The following ADGRL1 variants were observed in gnomAD, a reference collection of about 807,000 sequenced individuals.
ADGRL1 encodes the protein CIRL-1.
ADGRL1 carries 31 observed loss-of-function variants against 148.9 expected under a neutral mutation model. The observed-to-expected ratio is 0.21, with a 90% CI of 0.16 to 0.28. The LOEUF (loss-of-function observed/expected upper bound fraction) is 0.28, where lower values mean the gene tolerates loss of function less well. Ranked by LOEUF, ADGRL1 falls within the 10% of genes least tolerant of loss-of-function variation. ADGRL1 has a pLI of 1.00. For missense variants in ADGRL1, 1,521 were observed against 2,058.8 expected (o/e 0.74, Z 5.05); for synonymous variants, 937 against 900.3 (o/e 1.04, Z -0.73).
chr19:14,172,133 G>T (rs554209792), intron 3 of ADGRL1, among the ~76,000 whole-genome samples: 12 of 152,268 alleles, frequency 7.9e-5, no homozygotes, highest in South Asian at 4.2e-4. Flanking sequence ...TTTAAAAATA[G>T]AACACTGGCT....
At chr19:14,190,968 ATC>A (rs1342251815) in intron 1 of ADGRL1, 1 of 401,434 alleles carries the variant, frequency 2.5e-6, no homozygotes, top group Non-Finnish European at 5.1e-6. Context: ...GGGACCTGTA[ATC>A]TCAGCTACTC....
rs530490978 is a variant in ADGRL1 at position 14,167,332 on chromosome 19, G to T, written c.394+3350C>A. On this transcript the variant is annotated intron_variant, in intron 4 of 22. Coordinates refer to ENST00000361434, the MANE Select transcript of ADGRL1 (RefSeq NM_014921.5). ...ACACAGAAAGACACAGGGGTGGTAG[G>T]GGGGTACAGGCAGGCAGACAGAGCC... Among the ~76,000 whole-genome samples the T allele has an allele frequency of 2.6e-5, 4 of 152,072 alleles. No homozygotes were observed. In the South Asian group the frequency reaches 6.2e-4, roughly 24 times the overall value.
intron 1 of ADGRL1, among the ~76,000 whole-genome samples, chr19:14,186,145 AC>A (rs1971558653): frequency 6.6e-6 from 1 of 151,802 alleles, no homozygotes; most frequent in South Asian, 2.1e-4. Context: ...TGCAGCCTCC[AC>A]CTCCCAGGCT....
intron 1 of ADGRL1, among the ~76,000 whole-genome samples, chr19:14,197,165 G>A (rs1251252362): frequency 6.6e-6 from 1 of 151,978 alleles, no homozygotes; most frequent in African/African-American, 2.4e-5. Flanking sequence ...CTGGCTACTC[G>A]GGAGGCTGAG....
intron 4 of ADGRL1, among the ~76,000 whole-genome samples, chr19:14,167,829 C>T (rs1395827430): frequency 6.6e-6 from 1 of 152,104 alleles, no homozygotes; most frequent in Non-Finnish European, 1.5e-5. Context: ...CGCTCCCAGG[C>T]TCCCCAGGGG....
chr19:14,162,786 C>A lies in ADGRL1; in HGVS notation c.1015G>T (p.Val339Leu). ...GCATTGGTGTTGAAGGCATAGTCCA[C>A]GCGGTTGCCAGCCGCCTCGCTGTCA... The part of the protein sequence containing the change: ...DDDSEAAGNR[V>L]DYAFNTNANR... The change falls in exon 5 of 23, where the codon GTG (valine) becomes TTG (leucine). Residue 339 changes from valine (V) to leucine (L), a missense_variant. Physicochemically the swap from Val to Leu is conservative, Grantham distance 32. Coordinates refer to ENST00000361434, the MANE Select transcript of ADGRL1 (RefSeq NM_014921.5). The surrounding 1 kb of genome is among the most constrained non-coding windows in gnomAD (Gnocchi z 5.4). 6.2e-7 allele frequency: 1 copy of A among 1,614,186 alleles called. No individual in the cohort carries two copies. The highest frequency in any genetic ancestry group is 8.5e-7 in the Non-Finnish European group (1 of 1,180,030).
rs1335808588 is a variant in ADGRL1, at chr19:14,163,014, T to C, written c.787A>G (p.Ile263Val). ...SPYRWGGKTD[I>V]DLAVDENGLW... ...CCGTTCTCGTCCACCGCCAGGTCAA[T>C]GTCGGTCTTTCCGCCCCAGCGGTAG... The change falls in exon 5 of 23, where the codon ATT becomes GTT. Residue 263 changes from isoleucine (I) to valine (V), a missense_variant. Physicochemically the swap from Ile to Val is conservative, Grantham distance 29. Around this residue, in one of 8 missense-constraint regions of ADGRL1, gnomAD observed 334 missense variants for 512.5 expected, o/e 0.65. Coordinates refer to ENST00000361434, the MANE Select transcript of ADGRL1 (RefSeq NM_014921.5). The C allele has an allele frequency of 1.2e-6, 2 of 1,613,994 alleles. No individual in the cohort carries two copies. The highest frequency in any genetic ancestry group is 2.7e-5 in the African/African-American group (2 of 74,944).
In ADGRL1 at chr19:14,157,943, T is replaced by C. The variant is rs773859164; in HGVS notation, c.2474A>G (p.His825Arg). Residue 825 changes from histidine (H) to arginine (R), a missense_variant, in exon 13 of 23, where the codon CAT (histidine) becomes CGT (arginine). Around this residue, in one of 8 missense-constraint regions of ADGRL1, gnomAD observed 265 missense variants for 431.9 expected, o/e 0.61. Transcript: ENST00000361434. The surrounding 1 kb of genome is among the most constrained non-coding windows in gnomAD (Gnocchi z 7.5). ...GAGGTGGCTGCAGGCACACGTGGTA[T>C]GGGTCTTGTTGGACTCCACCAGGCG... ...GCRLVESNKT[H>R]TTCACSHLTN... 6.2e-7 allele frequency: 1 copy of C among 1,612,760 alleles called. No individual in the cohort carries two copies. Among genetic ancestry groups the C allele is most frequent in the Non-Finnish European group, 8.5e-7 (1 of 1,178,720 alleles).
rs771125736 is a variant in ADGRL1 at position 14,161,469 on chromosome 19, T to C, written c.1353A>G (p.Pro451=). The change falls in exon 6 of 23, where the codon CCA becomes CCG. Residue 451 remains proline, a synonymous_variant. Transcript: ENST00000361434. The surrounding 1 kb of genome is among the most constrained non-coding windows in gnomAD (Gnocchi z 4.4). ...AINQLGPDLP[P]ATAPVPSTRR... The stretch of plus-strand genomic sequence containing the variant: ...GGGTGCTGGGGACTGGGGCTGTGGC[T>C]GGAGGCAGATCAGGTCCCAGCTGGT... The C allele has an allele frequency of 1.4e-6, 2 of 1,459,360 alleles. No homozygotes were observed. The highest frequency in any genetic ancestry group is 1.8e-6 in the Non-Finnish European group (2 of 1,103,988). The allele number at this position is 1,459,360 out of a possible 1,614,324, so 90.4% of individuals were successfully genotyped here.
chr19:14,194,271 A>T (rs991604738), intron 1 of ADGRL1, among the ~76,000 whole-genome samples: 1 of 152,180 alleles, frequency 6.6e-6, no homozygotes, highest in Non-Finnish European at 1.5e-5. Context: ...CGTCTGTGGT[A>T]ATTTGTTGTG....
chr19:14,192,739 C>T (rs368796142), intron 1 of ADGRL1, among the ~76,000 whole-genome samples: 1 of 151,090 alleles, frequency 6.6e-6, no homozygotes. Flanking sequence ...TTAGTAGAGA[C>T]GGGGTTTCGC....
chr19:14,152,374 T>A lies in ADGRL1; in HGVS notation c.3584A>T (p.Tyr1195Phe). ...CACTGACTCGGCGATGAGGGTGTTG[T>A]AGGGACTGGTGCCCCCACGGGGCTG... ...VLQPRGGTSP[Y>F]NTLIAESVGF... Residue 1195 changes from tyrosine to phenylalanine, a missense_variant, in exon 21 of 23, where the codon TAC becomes TTC. By Grantham distance (22) the Tyr-to-Phe change is conservative. Transcript: ENST00000361434. The surrounding 1 kb of genome is among the most constrained non-coding windows in gnomAD (Gnocchi z 6.1). 6.2e-7 allele frequency: 1 copy of A among 1,602,092 alleles called. No homozygotes were observed. Among genetic ancestry groups the A allele is most frequent in the Non-Finnish European group, 8.5e-7 (1 of 1,172,568 alleles).
In ADGRL1 at chr19:14,201,596, T is replaced by A. The variant is rs547839050; in HGVS notation, c.-96+4389A>T. On this transcript the variant is annotated intron_variant, in intron 1 of 22. Coordinates refer to ENST00000361434, the MANE Select transcript of ADGRL1 (RefSeq NM_014921.5). ...CGATGCCCAACTATTAAAAAAAAAA[T>A]TTTAGAAACGAGTCTTGCTATGTTG... 3.8e-3 allele frequency among the ~76,000 whole-genome samples: 582 copies of A among 151,826 alleles called. 1 individual carries two copies. The highest frequency in any genetic ancestry group is 6.0e-3 in the Non-Finnish European group (407 of 67,916).
Position 14,151,156 on chromosome 19 carries a change from C to T in ADGRL1, c.4127G>A (p.Arg1376Gln), listed in dbSNP as rs780931458. Reference protein sequence around the residue: ...TSRPLSSPPGRDSLYASGANL... With the variant: ...TSRPLSSPPGQDSLYASGANL... ...GGCCCCGCTGGCATAGAGGGAGTCCCGGCCAGGAGGGGAGGAGAGGGGCCG... is the reference window on the plus strand; with the variant it reads ...GGCCCCGCTGGCATAGAGGGAGTCCTGGCCAGGAGGGGAGGAGAGGGGCCG... Residue 1376 changes from arginine (R) to glutamine (Q), a missense_variant, in exon 23 of 23, where the codon CGG becomes CAG. Coordinates refer to ENST00000361434, the MANE Select transcript of ADGRL1 (RefSeq NM_014921.5). 1.5e-5 allele frequency: 24 copies of T among 1,604,720 alleles called. No homozygotes were observed. Among genetic ancestry groups the T allele is most frequent in the South Asian group, 7.8e-5 (7 of 89,988 alleles).
chr19:14,161,636 G>A lies in ADGRL1; in HGVS notation c.1196-10C>T, dbSNP rs1178813232. 1.4e-5 allele frequency: 19 copies of A among 1,401,990 alleles called. No homozygotes were observed. The highest frequency in any genetic ancestry group is 3.1e-5 in the Admixed American group (1 of 32,352). The allele number at this position is 1,401,990 out of a possible 1,614,324, so 86.8% of individuals were successfully genotyped here. A position where few individuals can be genotyped will look rare whatever the true frequency, so the allele number is the denominator to read the frequency against. ...GGGGAAGTGGCTGGGCCTGGAGAGG[G>A]GATACGAGACAGGGTCATCCCCATG... On this transcript the variant is annotated splice_polypyrimidine_tract_variant and intron_variant, in intron 5 of 22. Transcript: ENST00000361434. This position sits in a 1 kb window ranked among gnomAD's most constrained non-coding sequence, Gnocchi z 4.4.
At chr19:14,191,295 C>T (rs1392980336) in intron 1 of ADGRL1, 3 of 456,584 alleles carry the variant, frequency 6.6e-6, no homozygotes, top group Admixed American at 4.7e-5. Flanking sequence ...TTACAGTGCC[C>T]TGCAGTCACC....
Position 14,155,640 on chromosome 19 carries a change from C to T in ADGRL1, c.3126-113G>A. The T allele has an allele frequency of 8.8e-7, 1 of 1,132,348 alleles. No individual in the cohort carries two copies. 70.1% of individuals were successfully genotyped at this position (1,132,348 alleles called of 1,614,324 possible). On this transcript the variant is annotated intron_variant, in intron 17 of 22. Transcript: ENST00000361434. The surrounding 1 kb of genome is among the most constrained non-coding windows in gnomAD (Gnocchi z 5.0). ...CTTGGGTGGGCCTGGGCACTGTCTG[C>T]AAAGCCCTGAGCGGGCCGAGTGGGC...
rs1968719895 is a variant in ADGRL1, at chr19:14,156,160, G to C, written c.3075C>G (p.Ile1025Met). The C allele has an allele frequency of 3.1e-6, 5 of 1,612,818 alleles. No homozygotes were observed. The highest frequency in any genetic ancestry group is 4.2e-6 in the Non-Finnish European group (5 of 1,179,776). ...CGGGCTTGAGCACAGATGAGCTTCG[G>C]ATCATCTTGTGCAGGGTCACCATGA... ...VFLMVTLHKM[I>M]RSSSVLKPDS... The change falls in exon 17 of 23, where the codon ATC (isoleucine) becomes ATG (methionine). Residue 1025 changes from isoleucine (I) to methionine (M), a missense_variant. Physicochemically the swap from Ile to Met is conservative, Grantham distance 10 (BLOSUM62 1). Around this residue, in one of 8 missense-constraint regions of ADGRL1, gnomAD observed 185 missense variants for 251.7 expected, o/e 0.74. Transcript: ENST00000361434.
chr19:14,204,690 G>A (rs1972844240), intron 1 of ADGRL1, among the ~76,000 whole-genome samples: 1 of 148,888 alleles, frequency 6.7e-6, no homozygotes. Context: ...AAGACAGAGA[G>A]AGATAGAGAA....
Sources: allele counts gnomAD v4.1 joint callset (sites outside exome capture counted in the v4.1 genomes callset), GRCh38; gene constraint gnomAD v4.1.1; regional missense constraint gnomAD v4.1.1; non-coding constraint Gnocchi (gnomAD v3.1); transcripts MANE v1.5; gene names NCBI Gene and HGNC (gene_info 2026-07-23, HGNC 2026-07-21).